Variants in GAS7 observed in about 807,000 individuals in gnomAD.
GAS7 encodes the protein growth arrest specific 7.
GAS7 carries 28 observed loss-of-function variants against 71.1 expected under a neutral mutation model. The observed-to-expected ratio is 0.39, with a 90% CI of 0.29 to 0.54. The LOEUF (loss-of-function observed/expected upper bound fraction) is 0.54. GAS7 is among the 20% of genes least tolerant of loss of function. The pLI, the probability that GAS7 is intolerant of heterozygous loss-of-function variation, is 0.62. For missense variants in GAS7, 436 were observed against 627.8 expected (o/e 0.69, Z 3.27); for synonymous variants, 258 against 245.8 (o/e 1.05, Z -0.46).
chr17:9,935,851 T>C (rs1278862585), intron 8 of GAS7, among the ~76,000 whole-genome samples: 1 of 152,160 alleles, frequency 6.6e-6, no homozygotes, highest in Non-Finnish European at 1.5e-5. Flanking sequence ...GGGCCTGAGA[T>C]CCAGGAAGCT....
At chr17:10,069,152 C>T (rs1301657687) in intron 1 of GAS7, among the ~76,000 whole-genome samples, 1 of 152,154 alleles carries the variant, frequency 6.6e-6, no homozygotes, top group Non-Finnish European at 1.5e-5. Context: ...TTCCTAAATG[C>T]AAGTTCCCAG....
intron 1 of GAS7, among the ~76,000 whole-genome samples, chr17:10,161,105 G>C (rs1362020575): frequency 6.6e-6 from 1 of 152,104 alleles, no homozygotes; most frequent in African/African-American, 2.4e-5. Context: ...TTTGTTTGCG[G>C]TTTTTGTTTG....
chr17:10,181,783 T>C (rs924718566), intron 1 of GAS7, among the ~76,000 whole-genome samples: 6 of 152,160 alleles, frequency 3.9e-5, no homozygotes, highest in Non-Finnish European at 7.4e-5. Flanking sequence ...TTTTACAAGA[T>C]ACAGGTCACA....
chr17:10,009,808 TA>T (rs1009046226), intron 2 of GAS7, among the ~76,000 whole-genome samples: 2 of 151,416 alleles, frequency 1.3e-5, no homozygotes, highest in African/African-American at 2.4e-5. Context: ...GGAAGTCAAC[TA>T]AAAAAATAAA....
intron 11 of GAS7, among the ~76,000 whole-genome samples, chr17:9,920,021 G>GTGTGT (rs2067747185): frequency 7.6e-6 from 1 of 131,142 alleles, no homozygotes; most frequent in Non-Finnish European, 1.6e-5. Context: ...GTGTGTCTAG[G>GTGTGT]GTATTCCTAG....
Position 10,005,275 on chromosome 17 carries a change from A to G in GAS7, c.304+14502T>C, listed in dbSNP as rs1198832956. Among the ~76,000 whole-genome samples, 88 of 149,340 alleles carry G rather than the reference A, an allele frequency of 5.9e-4. 1 individual carries two copies. Among genetic ancestry groups the G allele is most frequent in the African/African-American group, 2.2e-3 (86 of 39,270 alleles). ...TGTGTGCACACATACATGTATGTATATGTATATACATGCATACATGTATAT... is the reference window on the plus strand; with the variant it reads ...TGTGTGCACACATACATGTATGTATGTGTATATACATGCATACATGTATAT... On this transcript the variant is annotated intron_variant, in intron 2 of 13. Transcript: ENST00000432992.
intron 1 of GAS7, among the ~76,000 whole-genome samples, chr17:10,178,077 G>A (rs1472369638): frequency 6.6e-6 from 1 of 152,148 alleles, no homozygotes; most frequent in Non-Finnish European, 1.5e-5. Context: ...GGGATTCCTG[G>A]AGGGAGTGAT....
intron 3 of GAS7, among the ~76,000 whole-genome samples, chr17:9,973,681 A>C (rs2070066402): frequency 6.6e-6 from 1 of 152,218 alleles, no homozygotes; most frequent in South Asian, 2.1e-4. Flanking sequence ...GAAACCTTTG[A>C]AAAATGACCT....
chr17:10,178,685 C>G (rs1220007022), intron 1 of GAS7, among the ~76,000 whole-genome samples: 1 of 149,840 alleles, frequency 6.7e-6, no homozygotes, highest in African/African-American at 2.5e-5. Context: ...ACTCAACTCC[C>G]CTCCCTCCCC....
chr17:9,987,314 T>C (rs1424851948), intron 2 of GAS7, among the ~76,000 whole-genome samples: 1 of 152,130 alleles, frequency 6.6e-6, no homozygotes, highest in Non-Finnish European at 1.5e-5. Context: ...ACAAAACACA[T>C]ATTTTCCTAG....
intron 2 of GAS7, among the ~76,000 whole-genome samples, chr17:9,986,694 A>C (rs2070662389): frequency 6.6e-6 from 1 of 152,118 alleles, no homozygotes; most frequent in Non-Finnish European, 1.5e-5. Flanking sequence ...TGGCCTGGTC[A>C]ACTCCCAGAC....
At chr17:9,955,200 C>T (rs1045537758) in intron 5 of GAS7, among the ~76,000 whole-genome samples, 1 of 152,174 alleles carries the variant, frequency 6.6e-6, no homozygotes, top group Middle Eastern at 3.2e-3. Flanking sequence ...CTCCACCCTG[C>T]GGTGCTCCAA....
At chr17:10,029,251 T>C (rs1487598095) in intron 1 of GAS7, among the ~76,000 whole-genome samples, 2 of 152,206 alleles carry the variant, frequency 1.3e-5, no homozygotes, top group East Asian at 3.9e-4. Flanking sequence ...TTCATTGTAC[T>C]TCAAGGTAGC....
intron 5 of GAS7, among the ~76,000 whole-genome samples, chr17:9,951,788 A>T (rs2152104861): frequency 7.1e-6 from 1 of 141,482 alleles, no homozygotes; most frequent in African/African-American, 2.6e-5. Context: ...AAAAAAAAAC[A>T]AGAAGAAAGG....
Position 9,991,921 on chromosome 17 carries a change from C to G in GAS7, c.305-10037G>C, listed in dbSNP as rs569843277. 2.0e-5 allele frequency among the ~76,000 whole-genome samples: 3 copies of G among 152,252 alleles called. No homozygotes were observed. The South Asian group carries it at 6.2e-4, about 32-fold the overall frequency. The stretch of plus-strand genomic sequence containing the variant: ...AAGCCTGGATGCTCCAGATCCAGAA[C>G]CTAAGCACAGGTGTTTGGCAAAGCT... On this transcript the variant is annotated intron_variant, in intron 2 of 13. Coordinates refer to ENST00000432992, the MANE Select transcript of GAS7 (RefSeq NM_201433.2).
intron 9 of GAS7, among the ~76,000 whole-genome samples, chr17:9,931,490 C>T (rs1226432158): frequency 3.3e-5 from 5 of 152,148 alleles, no homozygotes; most frequent in African/African-American, 4.8e-5. Flanking sequence ...AATGGCAGCC[C>T]GCCCAGGATC....
chr17:10,149,139 A>G (rs949106050), intron 1 of GAS7, among the ~76,000 whole-genome samples: 3 of 152,130 alleles, frequency 2.0e-5, no homozygotes, highest in African/African-American at 4.8e-5. Flanking sequence ...GTCTTGCTCT[A>G]TCACCCAGAC....
At chr17:10,118,183 T>C (rs2073876677) in intron 1 of GAS7, among the ~76,000 whole-genome samples, 1 of 135,082 alleles carries the variant, frequency 7.4e-6, no homozygotes, top group African/African-American at 2.6e-5. Context: ...CAAGACAAGA[T>C]GATAGAGATG....
At chr17:10,164,566 G>A (rs1200111515) in intron 1 of GAS7, among the ~76,000 whole-genome samples, 2 of 151,956 alleles carry the variant, frequency 1.3e-5, no homozygotes, top group South Asian at 2.1e-4. Flanking sequence ...GGGAGGCTGA[G>A]CAGGAGGAGG....
Sources: gnomAD v4.1 joint callset for allele counts (sites outside exome capture counted in the v4.1 genomes callset) on GRCh38, gnomAD v4.1.1 for gene constraint, MANE v1.5 for transcripts, NCBI Gene and HGNC (gene_info 2026-07-23, HGNC 2026-07-21) for gene names.